The following RALGPS2 variants were observed in gnomAD, a reference collection of about 807,000 sequenced individuals.
The protein encoded by RALGPS2 is Ral GEF with PH domain and SH3 binding motif 2, also known as ras-specific guanine nucleotide-releasing factor RalGPS2.
In RALGPS2, 43 loss-of-function variants were observed where a neutral mutation model predicts 86.8. The observed-to-expected ratio is 0.50, with a 90% CI of 0.39 to 0.64. The LOEUF is 0.64. Among genes scored for constraint, RALGPS2 ranks in the 30% least tolerant of loss-of-function variants. RALGPS2 has a pLI of 0.00. For synonymous variants in RALGPS2, 243 were observed against 231.3 expected (o/e 1.05, Z -0.46); for missense variants, 536 against 694.6 (o/e 0.77, Z 2.57).
chr1:178,855,028 CT>C (rs1300824715), intron 8 of RALGPS2, among the ~76,000 whole-genome samples: 1 of 151,942 alleles, frequency 6.6e-6, no homozygotes, highest in Non-Finnish European at 1.5e-5. Context: ...TATAAAAATT[CT>C]GATTGTCAAA....
chr1:178,891,500 T>C (rs908600894), intron 14 of RALGPS2, among the ~76,000 whole-genome samples: 6 of 152,166 alleles, frequency 3.9e-5, no homozygotes, highest in African/African-American at 1.4e-4. Context: ...ATACATTGTT[T>C]AAGTTGCTAA....
chr1:178,787,713 A>G (rs1300736259), intron 4 of RALGPS2, among the ~76,000 whole-genome samples: 1 of 152,126 alleles, frequency 6.6e-6, no homozygotes, highest in Non-Finnish European at 1.5e-5. Context: ...CCTTTACTCC[A>G]TTTATCTAAT....
At chr1:178,861,106 A>C (rs1301723166) in intron 8 of RALGPS2, among the ~76,000 whole-genome samples, 1 of 152,358 alleles carries the variant, frequency 6.6e-6, no homozygotes, top group Middle Eastern at 3.4e-3. Context: ...GACTTACCCA[A>C]GGTCACATAA....
At chr1:178,845,688 T>G (rs995934416) in intron 8 of RALGPS2, among the ~76,000 whole-genome samples, 4 of 152,222 alleles carry the variant, frequency 2.6e-5, no homozygotes, top group African/African-American at 9.6e-5. Context: ...TGATTTTTTT[T>G]GTTGTTGTTA....
chr1:178,837,426 C>T (rs974090018), intron 8 of RALGPS2, among the ~76,000 whole-genome samples: 3 of 152,152 alleles, frequency 2.0e-5, no homozygotes, highest in African/African-American at 4.8e-5. Flanking sequence ...ATTGACACTG[C>T]GGTACCACAC....
chr1:178,810,281 G>T (rs1053958921), intron 5 of RALGPS2, among the ~76,000 whole-genome samples: 1 of 152,054 alleles, frequency 6.6e-6, no homozygotes, highest in African/African-American at 2.4e-5. Flanking sequence ...CAGCTACTTA[G>T]GAGGCTGAGT....
In RALGPS2 at chr1:178,877,345, T is replaced by C. The variant is rs931868884; in HGVS notation, c.608-153T>C. Among the ~76,000 whole-genome samples, 8 of 152,206 alleles carry C rather than the reference T, an allele frequency of 5.3e-5. No individual in the cohort carries two copies. The South Asian group carries it at 6.2e-4, about 12-fold the overall frequency. On this transcript the variant is annotated intron_variant, in intron 8 of 19. Coordinates refer to ENST00000367635, the MANE Select transcript of RALGPS2 (RefSeq NM_152663.5). ...ATGGAAAGCTAGGCCCCAGTAACCA[T>C]ATGTTACCCAGGCTTCAGTGTATTA...
At chr1:178,797,338 T>G (rs957448598) in intron 4 of RALGPS2, among the ~76,000 whole-genome samples, 3 of 151,996 alleles carry the variant, frequency 2.0e-5, no homozygotes, top group Admixed American at 6.6e-5. Flanking sequence ...ACAGAGAAAT[T>G]TAGCAGCTCT....
At chr1:178,856,922 G>C (rs144841192) in intron 8 of RALGPS2, among the ~76,000 whole-genome samples, 1 of 152,012 alleles carries the variant, frequency 6.6e-6, no homozygotes. Context: ...GTTACCTGTG[G>C]CACAAAACAT....
chr1:178,760,143 A>G (rs1034077312), intron 1 of RALGPS2, among the ~76,000 whole-genome samples: 3 of 152,192 alleles, frequency 2.0e-5, no homozygotes, highest in Non-Finnish European at 2.9e-5. Flanking sequence ...GATAGTGGGC[A>G]TCCTTGTCAT....
intron 1 of RALGPS2, among the ~76,000 whole-genome samples, chr1:178,731,405 C>A (rs1572263222): frequency 6.7e-6 from 1 of 149,504 alleles, no homozygotes; most frequent in South Asian, 2.1e-4. Flanking sequence ...GCCTCAGCCT[C>A]CTAAGTAGCT....
At position 178,883,578 on chromosome 1, in the gene RALGPS2, C is replaced by T. The variant is rs1572448225; in HGVS notation, c.904+45C>T. 2.8e-6 allele frequency: 4 copies of T among 1,427,436 alleles called. No homozygotes were observed. The East Asian group carries it at 9.1e-5, about 32-fold the overall frequency. The allele number at this position is 1,427,436 out of a possible 1,614,324, so 88.4% of individuals were successfully genotyped here. The stretch of plus-strand genomic sequence containing the variant: ...TTGTTACCAAATCTAAATCAGATAA[C>T]CTAATAAGGAAGAATATACTCCAAA... On this transcript the variant is annotated intron_variant, in intron 11 of 19. Transcript: ENST00000367635.
At chr1:178,777,292 A>G (rs1483708121) in intron 2 of RALGPS2, among the ~76,000 whole-genome samples, 1 of 152,104 alleles carries the variant, frequency 6.6e-6, no homozygotes, top group Non-Finnish European at 1.5e-5. Flanking sequence ...CCCATTCACA[A>G]TTGCTTCAAA....
intron 19 of RALGPS2, among the ~76,000 whole-genome samples, chr1:178,909,909 A>G (rs1300463932): frequency 6.6e-6 from 1 of 152,098 alleles, no homozygotes; most frequent in Non-Finnish European, 1.5e-5. Flanking sequence ...TCCGCCTCCC[A>G]AAGTGCTGGG....
At chr1:178,757,127 A>G (rs1314810961) in intron 1 of RALGPS2, among the ~76,000 whole-genome samples, 1 of 152,128 alleles carries the variant, frequency 6.6e-6, no homozygotes, top group Admixed American at 6.6e-5. Context: ...TTGTATGGAA[A>G]TGCTACTGAT....
At chr1:178,845,251 T>C (rs898932547) in intron 8 of RALGPS2, among the ~76,000 whole-genome samples, 6 of 152,174 alleles carry the variant, frequency 3.9e-5, no homozygotes, top group Non-Finnish European at 1.5e-5. Flanking sequence ...GTATACTCTT[T>C]TGGTGGATCT....
chr1:178,884,376 ATCCCT>A (rs1227484699), intron 11 of RALGPS2, among the ~76,000 whole-genome samples: 1 of 152,166 alleles, frequency 6.6e-6, no homozygotes, highest in Non-Finnish European at 1.5e-5. Context: ...TATTTAAGAA[ATCCCT>A]GATAAGTACC....
intron 1 of RALGPS2, among the ~76,000 whole-genome samples, chr1:178,759,219 C>G (rs112181097): frequency 6.6e-6 from 1 of 152,128 alleles, no homozygotes; most frequent in Non-Finnish European, 1.5e-5. Flanking sequence ...CGATTTAAGT[C>G]TGTAATCCAT....
chr1:178,892,422 C>A, intron 15 of RALGPS2, 115 bp downstream of exon 15: 2 of 816,264 alleles, frequency 2.5e-6, no homozygotes, highest in Non-Finnish European at 3.9e-6. Flanking sequence ...GATTTAAAAA[C>A]TAAACAAATT....
Sources: gnomAD v4.1 joint callset for allele counts (sites outside exome capture counted in the v4.1 genomes callset) on GRCh38, gnomAD v4.1.1 for gene constraint, MANE v1.5 for transcripts, NCBI Gene and HGNC (gene_info 2026-07-23, HGNC 2026-07-21) for gene names.